Variants in METTL15 observed in about 807,000 individuals in gnomAD.
The protein encoded by METTL15 is methyltransferase 15, mitochondrial 12S rRNA N4-cytidine, also known as 12S rRNA N(4)-cytidine methyltransferase METTL15.
METTL15 carries 34 observed loss-of-function variants against 38.3 expected under a neutral mutation model. The observed-to-expected ratio is 0.89, with a 90% CI of 0.68 to 1.18. The LOEUF (loss-of-function observed/expected upper bound fraction) is 1.18, where lower values mean the gene tolerates loss of function less well. Ranked by LOEUF, METTL15 falls within the 50% of genes most tolerant of loss-of-function variation. METTL15 has a pLI of 0.00. For missense variants in METTL15, 438 were observed against 498.4 expected, an observed-to-expected ratio of 0.88 and a Z score of 1.15; for synonymous variants, 162 against 170.9, an observed-to-expected ratio of 0.95 and a Z score of 0.41.
chr11:28,410,502 C>A (rs1850715203), intron 5 of METTL15, among the ~76,000 whole-genome samples: 1 of 152,080 alleles, frequency 6.6e-6, no homozygotes, highest in African/African-American at 2.4e-5. Context: ...ATCACACCAA[C>A]AGAATAAAAA....
At chr11:28,198,671 C>T (rs1393569906) in intron 3 of METTL15, among the ~76,000 whole-genome samples, 1 of 152,094 alleles carries the variant, frequency 6.6e-6, no homozygotes, top group Non-Finnish European at 1.5e-5. Flanking sequence ...TGTTAGCAGA[C>T]AGATACTTGA....
chr11:28,182,099 G>T (rs1469601038), intron 3 of METTL15, among the ~76,000 whole-genome samples: 1 of 151,992 alleles, frequency 6.6e-6, no homozygotes, highest in Non-Finnish European at 1.5e-5. Context: ...ACTTTTTGAT[G>T]GGGTTGTTTG....
chr11:28,124,022 T>A (rs1368212196), intron 3 of METTL15: 2 of 513,088 alleles, frequency 3.9e-6, no homozygotes, highest in African/African-American at 4.0e-5. Flanking sequence ...TGACTGTGCT[T>A]TTCATTAATA....
intron 6 of METTL15, among the ~76,000 whole-genome samples, chr11:28,520,697 T>G (rs1258053737): frequency 1.3e-5 from 2 of 152,210 alleles, no homozygotes; most frequent in Non-Finnish European, 2.9e-5. Flanking sequence ...GCTATAAAAT[T>G]TCAGGTTAGT....
intron 6 of METTL15, among the ~76,000 whole-genome samples, chr11:28,440,026 C>T (rs1851020531): frequency 6.6e-6 from 1 of 152,190 alleles, no homozygotes; most frequent in Admixed American, 6.5e-5. Context: ...TTTACCAAGT[C>T]TCTTAGCTAC....
At chr11:28,108,932 T>G (rs1347488897) in intron 1 of METTL15, among the ~76,000 whole-genome samples, 2 of 152,186 alleles carry the variant, frequency 1.3e-5, no homozygotes, top group Non-Finnish European at 2.9e-5. Context: ...TAAAATAACT[T>G]TATTTGGCAG....
At chr11:28,400,989 A>G (rs1270127209) in intron 5 of METTL15, among the ~76,000 whole-genome samples, 1 of 152,028 alleles carries the variant, frequency 6.6e-6, no homozygotes, top group East Asian at 1.9e-4. Context: ...GCGTGTGAAC[A>G]GCTGTCAAGA....
At chr11:28,390,478 A>C (rs1850491788) in intron 5 of METTL15, among the ~76,000 whole-genome samples, 1 of 152,172 alleles carries the variant, frequency 6.6e-6, no homozygotes, top group Non-Finnish European at 1.5e-5. Context: ...CCATTTATTA[A>C]ATAGGGAATC....
At chr11:28,390,380 T>C (rs1488111943) in intron 5 of METTL15, among the ~76,000 whole-genome samples, 1 of 151,996 alleles carries the variant, frequency 6.6e-6, no homozygotes, top group African/African-American at 2.4e-5. Context: ...TTTAAGTCTT[T>C]AATCCATCTT....
chr11:28,454,489 A>G, intron 6 of METTL15, among the ~76,000 whole-genome samples: 1 of 152,178 alleles, frequency 6.6e-6, no homozygotes, highest in Non-Finnish European at 1.5e-5. Flanking sequence ...TCACATAGAA[A>G]ACACCCTTTT....
intron 6 of METTL15, among the ~76,000 whole-genome samples, chr11:28,512,721 A>AC (rs1342854780): frequency 6.6e-6 from 1 of 151,330 alleles, no homozygotes; most frequent in Non-Finnish European, 1.5e-5. Flanking sequence ...CTCCCTCCAC[A>AC]CCCCCCTGCA....
At chr11:28,297,065 C>T in intron 6 of METTL15, 134 bp downstream of exon 6, 2 of 881,708 alleles carry the variant, frequency 2.3e-6, no homozygotes, top group South Asian at 2.0e-5. Flanking sequence ...TTCATTTGTA[C>T]TTGAAATCCA....
chr11:28,262,631 T>C (rs1855254874), intron 4 of METTL15, among the ~76,000 whole-genome samples: 1 of 152,122 alleles, frequency 6.6e-6, no homozygotes. Flanking sequence ...ACTTTCTAGG[T>C]TAATCAGAGA....
intron 5 of METTL15, among the ~76,000 whole-genome samples, chr11:28,371,332 G>T (rs535235910): frequency 7.2e-5 from 11 of 151,954 alleles, no homozygotes; most frequent in Non-Finnish European, 1.5e-4. Context: ...AAATAAGTTG[G>T]CCATAAATGT....
At chr11:28,234,916 T>C (rs1853875053) in intron 4 of METTL15, among the ~76,000 whole-genome samples, 2 of 149,566 alleles carry the variant, frequency 1.3e-5, no homozygotes, top group Middle Eastern at 3.2e-3. Context: ...CTAGGTTTTC[T>C]TCTAGGGTTT....
chr11:28,260,797 G>A (rs1290438792), intron 4 of METTL15, among the ~76,000 whole-genome samples: 2 of 152,186 alleles, frequency 1.3e-5, no homozygotes, highest in Admixed American at 1.3e-4. Context: ...AATCATAGAT[G>A]TTGTGCTGGC....
chr11:28,150,618 A>G (rs755050908), intron 3 of METTL15, among the ~76,000 whole-genome samples: 1 of 144,602 alleles, frequency 6.9e-6, no homozygotes, highest in Non-Finnish European at 1.5e-5. Context: ...TTATACACAT[A>G]TCGCCTGTGT....
intron 5 of METTL15, among the ~76,000 whole-genome samples, chr11:28,393,616 G>A (rs1850535545): frequency 6.6e-6 from 1 of 152,110 alleles, no homozygotes; most frequent in South Asian, 2.1e-4. Flanking sequence ...TACACACAGG[G>A]TTACTCGAGA....
At chr11:28,195,232 G>C (rs1565156926) in intron 3 of METTL15, among the ~76,000 whole-genome samples, 1 of 152,078 alleles carries the variant, frequency 6.6e-6, no homozygotes, top group Non-Finnish European at 1.5e-5. Flanking sequence ...TAGATACCCA[G>C]TAGTAGGATT....
Sources: gnomAD v4.1 joint callset for allele counts (sites outside exome capture counted in the v4.1 genomes callset) on GRCh38, gnomAD v4.1.1 for gene constraint, MANE v1.5 for transcripts, NCBI Gene and HGNC (gene_info 2026-07-23, HGNC 2026-07-21) for gene names.